MGAM2: variants seen among roughly 807,000 people sequenced by gnomAD.
The protein encoded by MGAM2 is probable maltase-glucoamylase 2.
In MGAM2, 98 loss-of-function variants were observed where a neutral mutation model predicts 96.1. That is an observed-to-expected ratio of 1.02 (90% confidence interval 0.87 to 1.21). MGAM2 has a LOEUF of 1.21. Ranked by LOEUF, MGAM2 falls within the 50% of genes most tolerant of loss-of-function variation. MGAM2 has a pLI of 0.00. For missense variants in MGAM2, 2,055 were observed against 1,182.4 expected, an observed-to-expected ratio of 1.74 and a Z score of -10.82; for synonymous variants, 749 against 414.8, an observed-to-expected ratio of 1.81 and a Z score of -9.79.
chr7:142,131,182 G>A (rs1321047240), intron 4 of MGAM2, 111 bp downstream of exon 4: 4 of 637,502 alleles, frequency 6.3e-6, no homozygotes, highest in African/African-American at 1.8e-5. Context: ...GCTCACGTCT[G>A]TAATCCCAGC....
At chr7:142,112,504 C>CTGTA (rs1277055058) in intron 1 of MGAM2, among the ~76,000 whole-genome samples, 3 of 152,138 alleles carry the variant, frequency 2.0e-5, no homozygotes, top group Non-Finnish European at 4.4e-5. Flanking sequence ...GAGTTGTGGG[C>CTGTA]TGTATGTATA....
chr7:142,133,301 T>G (rs1376486102), intron 6 of MGAM2, among the ~76,000 whole-genome samples: 1 of 146,924 alleles, frequency 6.8e-6, no homozygotes, highest in Non-Finnish European at 1.5e-5. Flanking sequence ...ATATATAGTA[T>G]ATTTAATATG....
Position 142,167,171 on chromosome 7 carries a change from G to A in MGAM2, c.2809-97G>A, listed in dbSNP as rs934520047. The A allele has an allele frequency of 1.8e-5, 11 of 597,062 alleles. No homozygotes were observed. The Admixed American group carries it at 2.3e-4, about 12-fold the overall frequency. 37.0% of individuals were successfully genotyped at this position (597,062 alleles called of 1,614,324 possible). Reference sequence around the variant, plus strand: ...CAATTCAACCCATAACCATGGACATGGTATTAGAGACTTAGTCTGTGTTAA... The same window carrying A: ...CAATTCAACCCATAACCATGGACATAGTATTAGAGACTTAGTCTGTGTTAA... On this transcript the variant is annotated intron_variant, in intron 25 of 47. Transcript: ENST00000477922.
Position 142,195,345 on chromosome 7 carries a change from C to CTTTT in MGAM2, c.4347-784_4347-781dup, listed in dbSNP as rs1013124747. Reference sequence around the variant, plus strand: ...TTCTGTGCCTGGCCTCCTTTTTACTCTTTTTTTTTTTTTTTTTTTTTTTTT... The same window carrying CTTTT: ...TTCTGTGCCTGGCCTCCTTTTTACTCTTTTTTTTTTTTTTTTTTTTTTTTTTTTT... On this transcript the variant is annotated intron_variant, in intron 37 of 47. Transcript: ENST00000477922. Among the ~76,000 whole-genome samples the CTTTT allele has an allele frequency of 3.9e-4, 27 of 70,040 alleles. 2 individuals carry two copies. Among genetic ancestry groups the CTTTT allele is most frequent in the East Asian group, 2.0e-3 (4 of 1,960 alleles). 45.9% of individuals were successfully genotyped at this position (70,040 alleles called of 152,430 possible). A position where few individuals can be genotyped will look rare whatever the true frequency, so the allele number is the denominator to read the frequency against.
intron 18 of MGAM2, 35 bp downstream of exon 18, chr7:142,158,126 A>G: frequency 1.4e-6 from 1 of 700,020 alleles, no homozygotes; most frequent in Non-Finnish European, 2.6e-6. Context: ...TCCCTTTCTG[A>G]TTGTAGTTTC....
rs1796213388 is a variant in MGAM2, at chr7:142,172,100, CAAG to C, written c.3360_3362del (p.Lys1120del). The C allele has an allele frequency of 1.4e-6, 1 of 726,032 alleles. No homozygotes were observed. Among genetic ancestry groups the C allele is most frequent in the Non-Finnish European group, 2.5e-6 (1 of 396,882 alleles). The allele number at this position is 726,032 out of a possible 1,614,324, so 45.0% of individuals were successfully genotyped here. A position where few individuals can be genotyped will look rare whatever the true frequency, so the allele number is the denominator to read the frequency against. On this transcript the variant is annotated inframe_deletion, in exon 29 of 48. Transcript: ENST00000477922. ...TTTATTACCCTCGTGACTCCCAGTA[CAAG>C]AAGAATTCCTATGGTGTCCACCCTT...
At chr7:142,178,193 A>G (rs1796433413) in intron 32 of MGAM2, among the ~76,000 whole-genome samples, 1 of 152,138 alleles carries the variant, frequency 6.6e-6, no homozygotes, top group African/African-American at 2.4e-5. Flanking sequence ...TCCTCTGCCT[A>G]CTTTTTAATG....
intron 3 of MGAM2, among the ~76,000 whole-genome samples, chr7:142,123,829 C>T (rs1794655160): frequency 6.6e-6 from 1 of 152,044 alleles, no homozygotes; most frequent in African/African-American, 2.4e-5. Context: ...TTTAGTAATT[C>T]TTGCCTACTC....
chr7:142,203,351 A>G (rs1311183804), intron 45 of MGAM2, among the ~76,000 whole-genome samples: 1 of 152,166 alleles, frequency 6.6e-6, no homozygotes, highest in African/African-American at 2.4e-5. Flanking sequence ...TATTTTGCCA[A>G]GACCAACGTT....
chr7:142,162,147 A>G (rs1050742672), intron 23 of MGAM2, 143 bp downstream of exon 23: 1 of 492,446 alleles, frequency 2.0e-6, no homozygotes, highest in African/African-American at 2.0e-5. Flanking sequence ...TCAAATGAAC[A>G]TGAAAGTGTT....
chr7:142,129,017 G>T (rs921001645), intron 3 of MGAM2, among the ~76,000 whole-genome samples: 3 of 152,208 alleles, frequency 2.0e-5, no homozygotes, highest in Non-Finnish European at 4.4e-5. Context: ...CAGCCAAGAG[G>T]GGGGCTGTAC....
chr7:142,124,193 C>T (rs370153080), intron 3 of MGAM2, among the ~76,000 whole-genome samples: 2 of 151,866 alleles, frequency 1.3e-5, no homozygotes, highest in African/African-American at 2.4e-5. Context: ...AGGCTGTTCT[C>T]GAACTCCTGA....
intron 3 of MGAM2, among the ~76,000 whole-genome samples, chr7:142,123,664 A>T (rs1794649742): frequency 6.6e-6 from 1 of 151,936 alleles, no homozygotes; most frequent in African/African-American, 2.4e-5. Context: ...GTAGTTACTT[A>T]TGTATTCTGG....
chr7:142,134,002 C>A lies in MGAM2; in HGVS notation c.597C>A (p.Pro199=), dbSNP rs144739669. The change falls in exon 7 of 48, where the codon CCC becomes CCA. Residue 199 remains proline (P), a synonymous_variant. Coordinates refer to ENST00000477922, the MANE Select transcript of MGAM2 (RefSeq NM_001293626.2). ...CCAGGTTGGACACGAGCATCGGGCC[C>A]CTCCAGTTTGCCCAGCAGTACCTGC... is the stretch of plus-strand genomic sequence containing the variant. ...RRVLLDTSIG[P]LQFAQQYLQL... The A allele has an allele frequency of 9.2e-4, 660 of 720,012 alleles. 2 individuals are homozygous for A. The African/African-American group carries it at 0.01, about 11-fold the overall frequency. The allele number at this position is 720,012 out of a possible 1,614,324, so 44.6% of individuals were successfully genotyped here.
At chr7:142,138,213 G>T (rs1030704329) in intron 9 of MGAM2, among the ~76,000 whole-genome samples, 1 of 152,164 alleles carries the variant, frequency 6.6e-6, no homozygotes, top group Admixed American at 6.6e-5. Context: ...AGCTATGTTT[G>T]CTCTGTGCCA....
chr7:142,139,879 A>G (rs781365634), intron 10 of MGAM2, among the ~76,000 whole-genome samples: 18 of 151,932 alleles, frequency 1.2e-4, no homozygotes, highest in Non-Finnish European at 2.6e-4. Flanking sequence ...CTTCTCCCAT[A>G]TCTATTATCT....
At chr7:142,123,658 T>C (rs1794649387) in intron 3 of MGAM2, among the ~76,000 whole-genome samples, 1 of 152,162 alleles carries the variant, frequency 6.6e-6, no homozygotes, top group Non-Finnish European at 1.5e-5. Flanking sequence ...TTTGTAGTAG[T>C]TACTTATGTA....
chr7:142,127,355 T>C (rs1794758567), intron 3 of MGAM2, among the ~76,000 whole-genome samples: 1 of 151,686 alleles, frequency 6.6e-6, no homozygotes, highest in Admixed American at 6.6e-5. Context: ...TTTCATATTT[T>C]CCATTTTTTT....
intron 1 of MGAM2, among the ~76,000 whole-genome samples, 191 bp downstream of exon 1, chr7:142,111,998 C>CTGTG (rs57967255): frequency 0.12 from 15,830 of 133,396 alleles, 946 homozygotes; most frequent in Admixed American, 0.15. Context: ...AGAGGAGAGA[C>CTGTG]TGTGTGTGTG....
Sources: gnomAD v4.1 joint callset for allele counts (sites outside exome capture counted in the v4.1 genomes callset) on GRCh38, gnomAD v4.1.1 for gene constraint, MANE v1.5 for transcripts, NCBI Gene and HGNC (gene_info 2026-07-23, HGNC 2026-07-21) for gene names.